MAP4K3: variants seen among roughly 807,000 people sequenced by gnomAD.
MAP4K3 encodes mitogen-activated protein kinase kinase kinase kinase 3.
A neutral mutation model predicts 143.5 loss-of-function variants in MAP4K3; 94 were observed. The observed-to-expected ratio is 0.65, with a 90% CI of 0.55 to 0.78. The LOEUF (loss-of-function observed/expected upper bound fraction) is 0.78, where lower values mean the gene tolerates loss of function less well. Ranked by LOEUF, MAP4K3 falls within the 30% of genes least tolerant of loss-of-function variation. The pLI is 0.00. For missense variants in MAP4K3, 1,077 were observed against 1,068.1 expected, an observed-to-expected ratio of 1.01 and a Z score of -0.12; for synonymous variants, 416 against 347.2, an observed-to-expected ratio of 1.20 and a Z score of -2.20.
At chr2:39,428,885 T>C (rs1237267656) in intron 1 of MAP4K3, among the ~76,000 whole-genome samples, 1 of 151,016 alleles carries the variant, frequency 6.6e-6, no homozygotes, top group African/African-American at 2.4e-5. Context: ...CTGGCCAACA[T>C]GGTGAAATCC....
chr2:39,365,493 G>A (rs1054956890), intron 2 of MAP4K3, among the ~76,000 whole-genome samples: 3 of 141,174 alleles, frequency 2.1e-5, no homozygotes, highest in African/African-American at 5.3e-5. Flanking sequence ...GCCGGACTGC[G>A]GACTGCAGTG....
chr2:39,353,208 A>C (rs985792053), intron 3 of MAP4K3, among the ~76,000 whole-genome samples: 2 of 152,232 alleles, frequency 1.3e-5, no homozygotes, highest in Non-Finnish European at 2.9e-5. Context: ...AGAATGGGCT[A>C]TATGACAACA....
chr2:39,389,435 C>G (rs1666594100), intron 1 of MAP4K3, among the ~76,000 whole-genome samples: 2 of 152,078 alleles, frequency 1.3e-5, no homozygotes, highest in Non-Finnish European at 2.9e-5. Context: ...ACCTCAGATT[C>G]AGAAGACACA....
At chr2:39,361,340 A>T (rs890260137) in intron 2 of MAP4K3, among the ~76,000 whole-genome samples, 4 of 152,046 alleles carry the variant, frequency 2.6e-5, no homozygotes, top group African/African-American at 9.7e-5. Context: ...CACACTTAAC[A>T]TATTATATGT....
At chr2:39,373,673 T>A (rs570628386) in intron 2 of MAP4K3, among the ~76,000 whole-genome samples, 12 of 152,314 alleles carry the variant, frequency 7.9e-5, no homozygotes, top group African/African-American at 2.9e-4. Context: ...TGTTAAGTGA[T>A]ATAAACCAGG....
chr2:39,428,598 C>T (rs1232921208), intron 1 of MAP4K3, among the ~76,000 whole-genome samples: 1 of 151,268 alleles, frequency 6.6e-6, no homozygotes, highest in Admixed American at 6.6e-5. Flanking sequence ...AGTGCTTGAA[C>T]CCGGAAGGCA....
chr2:39,431,243 T>C (rs907222677), intron 1 of MAP4K3, among the ~76,000 whole-genome samples: 2 of 152,198 alleles, frequency 1.3e-5, no homozygotes, highest in Non-Finnish European at 1.5e-5. Flanking sequence ...TGAGAGTTGC[T>C]GGGACATGTA....
Position 39,282,603 on chromosome 2 carries a change from TATA to T in MAP4K3, c.1588-52_1588-50del, listed in dbSNP as rs773744150. On this transcript the variant is annotated intron_variant, in intron 21 of 33. Coordinates refer to ENST00000263881, the MANE Select transcript of MAP4K3 (RefSeq NM_003618.4). ...TTACACTTTTTTTGCTGCTGTTTGA[TATA>T]ATAATACTGTATTTCAAACACATTT... 4 of 1,229,210 alleles carry T rather than the reference TATA, an allele frequency of 3.3e-6. No individual in the cohort carries two copies. In the Admixed American group the frequency reaches 7.0e-5, roughly 22 times the overall value. The allele number at this position is 1,229,210 out of a possible 1,614,324, so 76.1% of individuals were successfully genotyped here. A position where few individuals can be genotyped will look rare whatever the true frequency, so the allele number is the denominator to read the frequency against.
chr2:39,378,603 T>TG (rs1666281966), intron 1 of MAP4K3, among the ~76,000 whole-genome samples: 1 of 152,128 alleles, frequency 6.6e-6, no homozygotes, highest in South Asian at 2.1e-4. Flanking sequence ...AAAGGCTAGT[T>TG]GAACTAATTA....
At chr2:39,306,474 T>C (rs1053727995) in intron 15 of MAP4K3, among the ~76,000 whole-genome samples, 1 of 152,220 alleles carries the variant, frequency 6.6e-6, no homozygotes, top group African/African-American at 2.4e-5. Flanking sequence ...GCTTCTTCCC[T>C]ACTTCCAATG....
rs1325976572 is a variant in MAP4K3 at position 39,272,605 on chromosome 2, A to C, written c.1795-63T>G. 3.1e-6 allele frequency: 4 copies of C among 1,296,218 alleles called. No homozygotes were observed. The East Asian group carries it at 9.3e-5, about 30-fold the overall frequency. 80.3% of individuals were successfully genotyped at this position (1,296,218 alleles called of 1,614,324 possible). On this transcript the variant is annotated intron_variant, in intron 24 of 33. Transcript: ENST00000263881. ...ACATAATGGCAATGTAAATCTGTAC[A>C]CAGTAATCACGTAAGCTGTCTTATC...
In MAP4K3 at chr2:39,288,160, G is replaced by A; in HGVS notation, c.1435C>T (p.Pro479Ser). ...AKPSQVPPRP[P>S]PPRLPPHKPV... ...TTGTGTGGGGGTAATCTGGGAGGTGGTGGTCTAGGTGGAACTTGGGATGGC... is the reference window on the plus strand; with the variant it reads ...TTGTGTGGGGGTAATCTGGGAGGTGATGGTCTAGGTGGAACTTGGGATGGC... Residue 479 changes from proline to serine, a missense_variant, in exon 20 of 34, where the codon CCA (proline) becomes TCA (serine). Around this residue, in one of 2 missense-constraint regions of MAP4K3, gnomAD observed 864 missense variants for 801.2 expected, o/e 1.08. Coordinates refer to ENST00000263881, the MANE Select transcript of MAP4K3 (RefSeq NM_003618.4). 1 of 1,614,120 alleles carries A rather than the reference G, an allele frequency of 6.2e-7. No individual in the cohort carries two copies. The highest frequency in any genetic ancestry group is 8.5e-7 in the Non-Finnish European group (1 of 1,180,014).
intron 13 of MAP4K3, 39 bp from the exon 14 acceptor site, chr2:39,309,558 T>TC: frequency 1.6e-6 from 2 of 1,222,286 alleles, no homozygotes; most frequent in East Asian, 2.5e-5. Flanking sequence ...ATTTTTTTTT[T>TC]TTTTTTTTTT....
At chr2:39,432,628 T>G (rs1665325361) in intron 1 of MAP4K3, among the ~76,000 whole-genome samples, 1 of 152,222 alleles carries the variant, frequency 6.6e-6, no homozygotes, top group African/African-American at 2.4e-5. Context: ...AATTGAGTTT[T>G]CCAGAAAGGT....
chr2:39,266,920 G>T (rs1221234543), intron 27 of MAP4K3, among the ~76,000 whole-genome samples: 5 of 141,308 alleles, frequency 3.5e-5, no homozygotes, highest in Admixed American at 7.0e-5. Flanking sequence ...AAAAAAAAAA[G>T]TCATACAACT....
chr2:39,275,037 TTTACTC>T (rs1226557115), intron 24 of MAP4K3, among the ~76,000 whole-genome samples: 6 of 152,198 alleles, frequency 3.9e-5, no homozygotes, highest in African/African-American at 1.4e-4. Flanking sequence ...ATACTAATTC[TTTACTC>T]TTATAGGCTC....
intron 1 of MAP4K3, among the ~76,000 whole-genome samples, chr2:39,415,980 A>AAAAAATATATATATATAT (rs1553318573): frequency 2.0e-4 from 3 of 14,752 alleles, no homozygotes; most frequent in South Asian, 3.1e-3. Flanking sequence ...AAAAAAAAAA[A>AAAAAATATATATATATAT]ATATATATAT....
rs1191830088 is a variant in MAP4K3, at chr2:39,365,439, T to A, written c.155-9100A>T. ...GGGTTACGCCATAGTAATTTTTTTT[T>A]TTTTTTTTTTTTTTTTGAGACGGAG... On this transcript the variant is annotated intron_variant, in intron 2 of 33. Transcript: ENST00000263881. 8.4e-5 allele frequency among the ~76,000 whole-genome samples: 12 copies of A among 143,592 alleles called. No individual in the cohort carries two copies. The South Asian group carries it at 2.1e-3, about 25-fold the overall frequency. The allele number at this position is 143,592 out of a possible 152,430, so 94.2% of individuals were successfully genotyped here.
At chr2:39,432,430 T>C (rs886784192) in intron 1 of MAP4K3, among the ~76,000 whole-genome samples, 2 of 152,212 alleles carry the variant, frequency 1.3e-5, no homozygotes, top group Non-Finnish European at 2.9e-5. Context: ...TTCTACCTTA[T>C]TCAACTTCAA....
Sources: allele counts gnomAD v4.1 joint callset (sites outside exome capture counted in the v4.1 genomes callset), GRCh38; gene constraint gnomAD v4.1.1; regional missense constraint gnomAD v4.1.1; transcripts MANE v1.5; gene names NCBI Gene and HGNC (gene_info 2026-07-23, HGNC 2026-07-21).